Variants in SND1 observed in about 807,000 individuals in gnomAD.
The protein encoded by SND1 is staphylococcal nuclease domain-containing protein 1.
Under a neutral mutation model 121.7 loss-of-function variants are expected in SND1, and 38 were observed. The ratio of observed to expected loss-of-function variants is 0.31; its 90% CI spans 0.24 to 0.41. The LOEUF (loss-of-function observed/expected upper bound fraction) is 0.41. SND1 is among the 10% of genes least tolerant of loss of function. The pLI is 1.00. For synonymous variants in SND1, 401 were observed against 447.4 expected (o/e 0.90, Z 1.31); for missense variants, 868 against 1,184.6 (o/e 0.73, Z 3.92).
chr7:127,662,715 C>T (rs1192024214), intron 1 of SND1, among the ~76,000 whole-genome samples: 1 of 152,012 alleles, frequency 6.6e-6, no homozygotes, highest in Non-Finnish European at 1.5e-5. Context: ...CTGAAAGCCA[C>T]TTTGCCTTTT....
intron 10 of SND1, among the ~76,000 whole-genome samples, chr7:127,725,307 A>G (rs1314750834): frequency 6.6e-6 from 1 of 152,190 alleles, no homozygotes. Context: ...GTTAGCTCAT[A>G]TGGCATCTTT....
intron 10 of SND1, among the ~76,000 whole-genome samples, chr7:127,772,467 G>T (rs1027262602): frequency 5.3e-5 from 8 of 152,116 alleles, no homozygotes; most frequent in Non-Finnish European, 7.4e-5. Flanking sequence ...TCTGTGATTT[G>T]TTCCCTTATA....
chr7:128,004,260 A>G (rs1802907789), intron 16 of SND1, among the ~76,000 whole-genome samples: 1 of 151,410 alleles, frequency 6.6e-6, no homozygotes, highest in South Asian at 2.1e-4. Flanking sequence ...TGCAAAATGG[A>G]AGAACTAAGC....
At chr7:128,031,985 A>G (rs1326887331) in intron 16 of SND1, 1 of 149,694 alleles carries the variant, frequency 6.7e-6, no homozygotes, top group Non-Finnish European at 1.5e-5. Flanking sequence ...CGGCAGCAGC[A>G]GCAGCGGGGC....
At chr7:127,910,610 C>A (rs1267303670) in intron 14 of SND1, among the ~76,000 whole-genome samples, 2 of 152,094 alleles carry the variant, frequency 1.3e-5, no homozygotes, top group East Asian at 1.9e-4. Flanking sequence ...ATTTTTCTTA[C>A]CCTCATATGA....
intron 11 of SND1, among the ~76,000 whole-genome samples, chr7:127,821,581 A>G (rs1372020196): frequency 6.6e-6 from 1 of 152,202 alleles, no homozygotes; most frequent in Non-Finnish European, 1.5e-5. Flanking sequence ...GTGGTCAGGC[A>G]AAGGTACTTT....
At chr7:128,081,966 A>G (rs1162046411) in intron 18 of SND1, 1 of 534,762 alleles carries the variant, frequency 1.9e-6, no homozygotes, top group Admixed American at 1.9e-5. Context: ...CTCCTTCTCT[A>G]GAGGTTAACA....
chr7:127,914,706 G>T (rs1318487525), intron 14 of SND1, among the ~76,000 whole-genome samples: 1 of 152,174 alleles, frequency 6.6e-6, no homozygotes, highest in Non-Finnish European at 1.5e-5. Context: ...CTATAAGCGG[G>T]CTGGTTAGTA....
At chr7:127,714,318 G>A (rs748277182) in intron 9 of SND1, among the ~76,000 whole-genome samples, 3 of 152,182 alleles carry the variant, frequency 2.0e-5, no homozygotes, top group Non-Finnish European at 4.4e-5. Context: ...TGGTGGCCAA[G>A]TCCAGTTTTG....
intron 1 of SND1, among the ~76,000 whole-genome samples, chr7:127,654,980 A>G (rs1223418549): frequency 1.3e-5 from 2 of 152,264 alleles, no homozygotes; most frequent in South Asian, 4.1e-4. Context: ...AACTCTACAA[A>G]GGAAGATGGA....
At chr7:128,030,573 T>C (rs753986688) in intron 16 of SND1, 4 of 1,608,684 alleles carry the variant, frequency 2.5e-6, no homozygotes, top group Non-Finnish European at 3.4e-6. Flanking sequence ...CGCCGTGAGG[T>C]AGACGAACGG....
At chr7:127,837,196 A>G (rs1374396488) in intron 11 of SND1, among the ~76,000 whole-genome samples, 10 of 152,222 alleles carry the variant, frequency 6.6e-5, no homozygotes, top group Admixed American at 6.5e-4. Context: ...AGGATAGAGG[A>G]ATGAGGCTAA....
intron 18 of SND1, among the ~76,000 whole-genome samples, chr7:128,082,394 C>T (rs986574252): frequency 4.6e-5 from 7 of 152,246 alleles, no homozygotes; most frequent in Non-Finnish European, 7.3e-5. Context: ...CCAGCCTCCT[C>T]AGCCCACCCC....
chr7:127,680,914 A>G (rs962956804), intron 1 of SND1, among the ~76,000 whole-genome samples: 1 of 152,116 alleles, frequency 6.6e-6, no homozygotes, highest in Non-Finnish European at 1.5e-5. Flanking sequence ...GAAATTATAA[A>G]AGTATTAATT....
In SND1 at chr7:127,703,181, G is replaced by A. The variant is rs1473191228; in HGVS notation, c.698G>A (p.Arg233Gln). The A allele has an allele frequency of 2.5e-6, 4 of 1,614,078 alleles. No individual in the cohort carries two copies. The highest frequency in any genetic ancestry group is 3.4e-6 in the Non-Finnish European group (4 of 1,179,974). ...LSGIKCPTFR[R>Q]EADGSETPEP... ...TTGCTTTAGTGCCCAACTTTTCGAC[G>A]GGAAGCAGATGGCAGTGAAACTCCA... Residue 233 changes from arginine to glutamine, a missense_variant, in exon 7 of 24, where the codon CGG becomes CAG. Arg to Gln is a conservative substitution (Grantham distance 43, BLOSUM62 1). Around this residue, in one of 2 missense-constraint regions of SND1, gnomAD observed 743 missense variants for 1,071.3 expected, o/e 0.69. Coordinates refer to ENST00000354725, the MANE Select transcript of SND1 (RefSeq NM_014390.4).
At chr7:127,704,297 G>T (rs1456735056) in intron 7 of SND1, among the ~76,000 whole-genome samples, 2 of 152,188 alleles carry the variant, frequency 1.3e-5, no homozygotes, top group East Asian at 3.9e-4. Context: ...GCTTGGTTTG[G>T]GGTGTGCCAA....
chr7:128,065,579 A>G (rs980577147), intron 16 of SND1, among the ~76,000 whole-genome samples: 12 of 152,226 alleles, frequency 7.9e-5, no homozygotes, highest in African/African-American at 2.7e-4. Flanking sequence ...TACTCCATAG[A>G]TCATACACCG....
At chr7:128,003,828 A>G (rs928785274) in intron 16 of SND1, among the ~76,000 whole-genome samples, 5 of 152,176 alleles carry the variant, frequency 3.3e-5, no homozygotes, top group African/African-American at 1.2e-4. Flanking sequence ...GTATCTTACC[A>G]TCATGCCCTT....
chr7:127,805,533 A>G (rs988315479), intron 10 of SND1, among the ~76,000 whole-genome samples: 4 of 152,234 alleles, frequency 2.6e-5, no homozygotes, highest in African/African-American at 9.6e-5. Context: ...CTGCATTCTC[A>G]TAAGAGATTT....
Sources: gnomAD v4.1 joint callset for allele counts (sites outside exome capture counted in the v4.1 genomes callset) on GRCh38, gnomAD v4.1.1 for gene constraint, gnomAD v4.1.1 regional missense constraint, MANE v1.5 for transcripts, NCBI Gene and HGNC (gene_info 2026-07-23, HGNC 2026-07-21) for gene names.